Variants in PDP1 observed in about 807,000 individuals in gnomAD.
The protein encoded by PDP1 is pyruvate dehyrogenase phosphatase catalytic subunit 1.
Under a neutral mutation model 37.1 loss-of-function variants are expected in PDP1, and 14 were observed. That is an observed-to-expected ratio of 0.38 (90% CI 0.25 to 0.59). The LOEUF (loss-of-function observed/expected upper bound fraction) is 0.59, where lower values mean the gene tolerates loss of function less well. Among genes scored for constraint, PDP1 ranks in the 20% least tolerant of loss-of-function variants. The pLI is 0.67. For missense variants in PDP1, 544 were observed against 655.3 expected, an observed-to-expected ratio of 0.83 and a Z score of 1.85; for synonymous variants, 251 against 243.3, an observed-to-expected ratio of 1.03 and a Z score of -0.29.
At chr8:93,920,655 C>T in intron 1 of PDP1, 5 of 943,334 alleles carry the variant, frequency 5.3e-6, no homozygotes, top group Non-Finnish European at 6.3e-6. Flanking sequence ...AATTATATTG[C>T]TGTACCTTTT....
chr8:93,919,496 T>C (rs145704822), intron 1 of PDP1, among the ~76,000 whole-genome samples: 382 of 91,868 alleles, frequency 4.2e-3, no homozygotes, highest in Non-Finnish European at 5.2e-3. Flanking sequence ...CTGCCCTCCC[T>C]CCCCCCCCCC....
chr8:93,917,635 G>C, intron 1 of PDP1: 1 of 594,432 alleles, frequency 1.7e-6, no homozygotes, highest in South Asian at 2.0e-5. Context: ...GGGCCCCGCT[G>C]CCTTGGGCTG....
At position 93,919,521 on chromosome 8, in the gene PDP1, G is replaced by A. The variant is rs891728136; in HGVS notation, c.-45+2442G>A. ...TCCCCCCCCCCGGCAAAAAAATGTC[G>A]AAGCAAAGGAATTTAAGGAAAGTGC... On this transcript the variant is annotated intron_variant, in intron 1 of 1. Transcript: ENST00000297598. 4.3e-5 allele frequency among the ~76,000 whole-genome samples: 5 copies of A among 117,256 alleles called. No homozygotes were observed. The Admixed American group carries it at 6.5e-4, about 15-fold the overall frequency. 76.9% of individuals were successfully genotyped at this position (117,256 alleles called of 152,430 possible).
rs1264298239 is a variant in PDP1 at position 93,925,552 on chromosome 8, G to A, written c.*1879G>A. On this transcript the variant is annotated 3_prime_UTR_variant, in exon 2 of 2. Transcript: ENST00000297598. The stretch of plus-strand genomic sequence containing the variant: ...TAATGTCTCATCTCTATAGTACAGG[G>A]AATATAAAATTGGTTTCCTGTGGTC... 1 of 166,748 alleles carries A rather than the reference G, an allele frequency of 6.0e-6. No homozygotes were observed. Among genetic ancestry groups the A allele is most frequent in the Admixed American group, 6.5e-5 (1 of 15,280 alleles). 10.3% of individuals were successfully genotyped at this position (166,748 alleles called of 1,614,324 possible).
At chr8:93,917,638 T>C (rs373312221) in intron 1 of PDP1, 2 of 602,264 alleles carry the variant, frequency 3.3e-6, no homozygotes, top group Non-Finnish European at 5.7e-6. Flanking sequence ...CCCCGCTGCC[T>C]TGGGCTGTGG....
At chr8:93,921,441 T>G in intron 1 of PDP1, 3 of 423,852 alleles carry the variant, frequency 7.1e-6, no homozygotes, top group Non-Finnish European at 9.5e-6. Context: ...CAATGCATAT[T>G]ACTGTAGTCA....
chr8:93,923,071 G>T lies in PDP1; in HGVS notation c.1012G>T (p.Val338Leu). ...TCCAAAGAGTGAGGCCAAGAGTGTC[G>T]TGAAACAGGATCGGCTGCTTGGCTT... is the stretch of plus-strand genomic sequence containing the variant. ...EHPKSEAKSV[V>L]KQDRLLGLLM... Residue 338 changes from valine (V) to leucine (L), a missense_variant, in exon 2 of 2, where the codon GTG becomes TTG. By Grantham distance (32) the Val-to-Leu change is conservative. Transcript: ENST00000297598. The surrounding 1 kb of genome is among the most constrained non-coding windows in gnomAD (Gnocchi z 4.3). 1 of 1,614,160 alleles carries T rather than the reference G, an allele frequency of 6.2e-7. No individual in the cohort carries two copies. The highest frequency in any genetic ancestry group is 8.5e-7 in the Non-Finnish European group (1 of 1,180,036).
At position 93,923,794 on chromosome 8, in the gene PDP1, C is replaced by T. The variant is rs1357219682; in HGVS notation, c.*121C>T. On this transcript the variant is annotated 3_prime_UTR_variant, in exon 2 of 2. Transcript: ENST00000297598. The surrounding 1 kb of genome is among the most constrained non-coding windows in gnomAD (Gnocchi z 4.3). ...ATTCTAAGCATTTACCCTTTTGATA[C>T]TCTAGCTAGTCAGGTACTCCAAATT... 3.0e-5 allele frequency: 26 copies of T among 872,952 alleles called. No homozygotes were observed. The South Asian group carries it at 3.2e-4, about 11-fold the overall frequency. The allele number at this position is 872,952 out of a possible 1,614,324, so 54.1% of individuals were successfully genotyped here. A position where few individuals can be genotyped will look rare whatever the true frequency, so the allele number is the denominator to read the frequency against.
In PDP1 at chr8:93,923,428, C is replaced by G; in HGVS notation, c.1369C>G (p.Gln457Glu). Reference protein sequence around the residue: ...AVGGYKVTLGQMHGLLTERRT... With the variant: ...AVGGYKVTLGEMHGLLTERRT... ...TGGTGGCTACAAGGTGACTCTGGGACAGATGCATGGCCTTTTAACAGAAAG... is the reference window on the plus strand; with the variant it reads ...TGGTGGCTACAAGGTGACTCTGGGAGAGATGCATGGCCTTTTAACAGAAAG... The change falls in exon 2 of 2, where the codon CAG becomes GAG. Residue 457 changes from glutamine (Q) to glutamate (E), a missense_variant. By Grantham distance (29) the Gln-to-Glu change is conservative (BLOSUM62 2). Around this residue, in one of 5 missense-constraint regions of PDP1, gnomAD observed 159 missense variants for 165.5 expected, o/e 0.96. Coordinates refer to ENST00000297598, the MANE Select transcript of PDP1 (RefSeq NM_018444.4). This position sits in a 1 kb window ranked among gnomAD's most constrained non-coding sequence, Gnocchi z 4.3. 6.2e-7 allele frequency: 1 copy of G among 1,601,122 alleles called. No homozygotes were observed. The highest frequency in any genetic ancestry group is 1.1e-5 in the South Asian group (1 of 89,512).
Position 93,923,020 on chromosome 8 carries a change from G to C in PDP1, c.961G>C (p.Glu321Gln). The change falls in exon 2 of 2, where the codon GAA becomes CAA. Residue 321 changes from glutamate to glutamine, a missense_variant. Glu to Gln is a conservative substitution (Grantham distance 29). Coordinates refer to ENST00000297598, the MANE Select transcript of PDP1 (RefSeq NM_018444.4). This position sits in a 1 kb window ranked among gnomAD's most constrained non-coding sequence, Gnocchi z 4.3. ...TGACCACAATGCTCAAAATGAAAGA[G>C]AACTAGAACGGCTGAAATTGGAACA... Reference protein sequence around the residue: ...SNDHNAQNERELERLKLEHPK... With the variant: ...SNDHNAQNERQLERLKLEHPK... The C allele has an allele frequency of 1.2e-6, 2 of 1,614,190 alleles. No individual in the cohort carries two copies. Among genetic ancestry groups the C allele is most frequent in the Non-Finnish European group, 1.7e-6 (2 of 1,180,038 alleles).
At chr8:93,921,752 A>C in intron 1 of PDP1, 1 of 390,214 alleles carries the variant, frequency 2.6e-6, no homozygotes, top group South Asian at 4.8e-5. Context: ...TACTGCACAA[A>C]GGACGACAAA....
At chr8:93,917,915 A>C (rs1563514231) in intron 1 of PDP1, 1 of 1,613,846 alleles carries the variant, frequency 6.2e-7, no homozygotes, top group Admixed American at 1.7e-5. Context: ...TGACAGGAGA[A>C]TGTGTGTGTG....
In PDP1 at chr8:93,923,227, C is replaced by T. The variant is rs983434744; in HGVS notation, c.1168C>T (p.His390Tyr). The T allele has an allele frequency of 9.3e-6, 15 of 1,613,980 alleles. No individual in the cohort carries two copies. Among genetic ancestry groups the T allele is most frequent in the Middle Eastern group, 1.6e-4 (1 of 6,084 alleles). Residue 390 changes from histidine to tyrosine, a missense_variant, in exon 2 of 2, where the codon CAC becomes TAC. Physicochemically the swap from His to Tyr is moderately conservative, Grantham distance 83. Coordinates refer to ENST00000297598, the MANE Select transcript of PDP1 (RefSeq NM_018444.4). The surrounding 1 kb of genome is among the most constrained non-coding windows in gnomAD (Gnocchi z 4.3). ...EYTKFIPPNYHTPPYLTAEPE... is the reference protein window; with the variant it reads ...EYTKFIPPNYYTPPYLTAEPE... ...TACCAAGTTTATTCCTCCTAATTAT[C>T]ACACACCTCCTTATCTCACTGCTGA...
rs1028150023 is a variant in PDP1 at position 93,925,943 on chromosome 8, GA to G, written c.*2271del. ...TTAAATGGAATGTTGGTATGGTACA[GA>G]GTACCATATTGCTAAGAAAACTGTC... On this transcript the variant is annotated 3_prime_UTR_variant, in exon 2 of 2. Transcript: ENST00000297598. 6 of 166,894 alleles carry G rather than the reference GA, an allele frequency of 3.6e-5. No homozygotes were observed. Among genetic ancestry groups the G allele is most frequent in the Non-Finnish European group, 8.8e-5 (6 of 68,090 alleles). The allele number at this position is 166,894 out of a possible 1,614,324, so 10.3% of individuals were successfully genotyped here.
intron 1 of PDP1, chr8:93,920,628 AT>A: frequency 8.4e-6 from 8 of 954,304 alleles, no homozygotes; most frequent in African/African-American, 1.8e-5. Context: ...GAGTGATAGG[AT>A]TTTTTTTAAG....
In PDP1 at chr8:93,925,285, G is replaced by A. The variant is rs886063183; in HGVS notation, c.*1612G>A. On this transcript the variant is annotated 3_prime_UTR_variant, in exon 2 of 2. Transcript: ENST00000297598. ...ATTGCTGCTCAGAATATCATATAAT[G>A]TTTATTTTTTGAGGTGTTTTTGTTT... 1.2e-5 allele frequency: 2 copies of A among 163,830 alleles called. No homozygotes were observed. The highest frequency in any genetic ancestry group is 3.0e-5 in the Non-Finnish European group (2 of 67,468). 10.1% of individuals were successfully genotyped at this position (163,830 alleles called of 1,614,324 possible).
Position 93,923,405 on chromosome 8 carries a change from G to A in PDP1, c.1346G>A (p.Gly449Asp). ...CATCACCAACAGCCAATAGCTGTTG[G>A]TGGCTACAAGGTGACTCTGGGACAG... ...GMHHQQPIAV[G>D]GYKVTLGQMH... The change falls in exon 2 of 2, where the codon GGT becomes GAT. Residue 449 changes from glycine to aspartate, a missense_variant. By Grantham distance (94) the Gly-to-Asp change is moderately conservative. Coordinates refer to ENST00000297598, the MANE Select transcript of PDP1 (RefSeq NM_018444.4). This position sits in a 1 kb window ranked among gnomAD's most constrained non-coding sequence, Gnocchi z 4.3. 1.2e-6 allele frequency: 2 copies of A among 1,607,810 alleles called. No homozygotes were observed. The highest frequency in any genetic ancestry group is 1.7e-6 in the Non-Finnish European group (2 of 1,175,988).
In PDP1 at chr8:93,916,978, C is replaced by G. The variant is rs753371996; in HGVS notation, c.-146C>G. 8.6e-6 allele frequency: 4 copies of G among 466,384 alleles called. No homozygotes were observed. The highest frequency in any genetic ancestry group is 1.3e-5 in the Non-Finnish European group (3 of 236,460). 28.9% of individuals were successfully genotyped at this position (466,384 alleles called of 1,614,324 possible). A position where few individuals can be genotyped will look rare whatever the true frequency, so the allele number is the denominator to read the frequency against. On this transcript the variant is annotated 5_prime_UTR_variant, in exon 1 of 2. Coordinates refer to ENST00000297598, the MANE Select transcript of PDP1 (RefSeq NM_018444.4). ...GGCAGGCCGGGGGTGAGGGCTCGCG[C>G]TCCGGGAGCTGCACGGGGCTGCGTG...
At chr8:93,920,739 T>TA in intron 1 of PDP1, 1 of 864,234 alleles carries the variant, frequency 1.2e-6, no homozygotes. Context: ...TTTTTTTTTT[T>TA]AATGTGAGAG....
Sources: allele counts gnomAD v4.1 joint callset (sites outside exome capture counted in the v4.1 genomes callset), GRCh38; gene constraint gnomAD v4.1.1; regional missense constraint gnomAD v4.1.1; non-coding constraint Gnocchi (gnomAD v3.1); transcripts MANE v1.5; gene names NCBI Gene and HGNC (gene_info 2026-07-23, HGNC 2026-07-21).